The following ADCY6 variants were observed in gnomAD, a reference collection of about 807,000 sequenced individuals.
The protein encoded by ADCY6 is adenylate cyclase 6, also known as adenylate cyclase type 6.
Under a neutral mutation model 111.6 loss-of-function variants are expected in ADCY6, and 59 were observed. The ratio of observed to expected loss-of-function variants is 0.53; its 90% CI spans 0.43 to 0.66. The LOEUF (loss-of-function observed/expected upper bound fraction) is 0.66. Ranked by LOEUF, ADCY6 falls within the 30% of genes least tolerant of loss-of-function variation. The probability of loss-of-function intolerance (pLI) is 0.00; values close to 1 mark genes in which losing one functional copy is unlikely to be tolerated. For synonymous variants in ADCY6, 576 were observed against 642.9 expected, an observed-to-expected ratio of 0.90 and a Z score of 1.57; for missense variants, 1,242 against 1,595.6, an observed-to-expected ratio of 0.78 and a Z score of 3.78.
rs1941390758 is a variant in ADCY6, at chr12:48,766,837, A to T, written c.*1754T>A. 1 of 152,322 alleles carries T rather than the reference A, an allele frequency of 6.6e-6. No homozygotes were observed. The highest frequency in any genetic ancestry group is 2.1e-4 in the South Asian group (1 of 4,838). 9.4% of individuals were successfully genotyped at this position (152,322 alleles called of 1,614,324 possible). A position where few individuals can be genotyped will look rare whatever the true frequency, so the allele number is the denominator to read the frequency against. ...ACAAAGTGATCTTCAAGCAAAATTC[A>T]GGCTAGTGCCTTTGGCTTAAATAGG... On this transcript the variant is annotated 3_prime_UTR_variant, in exon 22 of 22. Transcript: ENST00000357869.
In ADCY6 at chr12:48,775,662, A is replaced by G. The variant is rs1478682130; in HGVS notation, c.1832+11T>C. The G allele has an allele frequency of 3.1e-6, 5 of 1,612,530 alleles. No individual in the cohort carries two copies. In the African/African-American group the frequency reaches 6.7e-5, roughly 22 times the overall value. Reference sequence around the variant, plus strand: ...GCAAGTGCCTTCTCCCTCCTCAGTAACCTGACTTACTTGTCTTTGCTGGAA... The same window carrying G: ...GCAAGTGCCTTCTCCCTCCTCAGTAGCCTGACTTACTTGTCTTTGCTGGAA... On this transcript the variant is annotated intron_variant, in intron 10 of 21. Transcript: ENST00000357869.
intron 1 of ADCY6, among the ~76,000 whole-genome samples, chr12:48,787,923 C>A (rs1055373047): frequency 9.2e-5 from 14 of 152,236 alleles, no homozygotes; most frequent in African/African-American, 3.1e-4. Flanking sequence ...TGGCTCTGCC[C>A]ACTGCCTTGC....
chr12:48,774,959 T>C lies in ADCY6; in HGVS notation c.2076A>G (p.Pro692=), dbSNP rs147118305. The change falls in exon 12 of 22, where the codon CCA becomes CCG. Residue 692 remains proline, a splice_region_variant and synonymous_variant. Coordinates refer to ENST00000357869, the MANE Select transcript of ADCY6 (RefSeq NM_015270.5). ...GAGAGGAAAGGCAGGGCTCTCACTG[T>C]GGGAAGATGAGAAGCTGGATGAAGC... is the stretch of plus-strand genomic sequence containing the variant. ...FICFIQLLIF[P]HSTLMLGIYA... is the part of the protein sequence containing the mutation. The C allele has an allele frequency of 5.7e-5, 88 of 1,553,828 alleles. No homozygotes were observed. Among genetic ancestry groups the C allele is most frequent in the Non-Finnish European group, 7.5e-5 (86 of 1,148,238 alleles).
At chr12:48,787,417 C>T (rs185811076) in intron 1 of ADCY6, among the ~76,000 whole-genome samples, 7 of 152,342 alleles carry the variant, frequency 4.6e-5, no homozygotes, top group South Asian at 2.1e-4. Flanking sequence ...CTGACCCCCC[C>T]CAAGGGGATA....
chr12:48,778,399 C>A, intron 2 of ADCY6, 142 bp from the exon 3 acceptor site: 1 of 948,806 alleles, frequency 1.1e-6, no homozygotes, highest in Non-Finnish European at 1.6e-6. Flanking sequence ...GCCACTGCCA[C>A]CCCTGCAATA....
rs1180613104 is a variant in ADCY6 at position 48,782,605 on chromosome 12, T to C, written c.830A>G (p.Gln277Arg). The change falls in exon 2 of 22, where the codon CAA (glutamine) becomes CGA (arginine). Residue 277 changes from glutamine to arginine, a missense_variant. Gln to Arg is a conservative substitution (Grantham distance 43). This residue lies in a region of ADCY6 where 260 missense variants were observed against 414.6 expected (regional missense o/e 0.63). Coordinates refer to ENST00000357869, the MANE Select transcript of ADCY6 (RefSeq NM_015270.5). This position sits in a 1 kb window ranked among gnomAD's most constrained non-coding sequence, Gnocchi z 4.3. ...LSTLHLILAW[Q>R]LNRGDAFLWK... is the part of the protein sequence containing the mutation. ...GAGGAAGGCATCACCACGGTTAAGT[T>C]GCCAGGCCAAGATCAAATGCAAGGT... 9.9e-6 allele frequency: 16 copies of C among 1,612,020 alleles called. No homozygotes were observed. The highest frequency in any genetic ancestry group is 1.4e-5 in the Non-Finnish European group (16 of 1,179,082).
intron 21 of ADCY6, 105 bp downstream of exon 21, chr12:48,768,832 C>T: frequency 6.4e-7 from 1 of 1,552,888 alleles, no homozygotes; most frequent in Non-Finnish European, 8.7e-7. Context: ...CCCCACCATA[C>T]ACAGAACACT....
intron 20 of ADCY6, among the ~76,000 whole-genome samples, chr12:48,769,991 GA>G (rs1941488808): frequency 1.3e-5 from 2 of 151,604 alleles, no homozygotes; most frequent in South Asian, 4.2e-4. Context: ...TTGATCTCTT[GA>G]CCTCGTGATC....
chr12:48,770,719 C>T, intron 20 of ADCY6, 47 bp downstream of exon 20: 1 of 1,584,750 alleles, frequency 6.3e-7, no homozygotes, highest in Non-Finnish European at 8.7e-7. Flanking sequence ...CCAGCTTCAC[C>T]TGGAAAAAGT....
chr12:48,772,029 T>C (rs752304189), intron 18 of ADCY6, 56 bp from the exon 19 acceptor site: 4 of 1,559,924 alleles, frequency 2.6e-6, no homozygotes, highest in Non-Finnish European at 3.5e-6. Flanking sequence ...GTAGGTGTGG[T>C]GGCCAAGGCT....
Position 48,776,199 on chromosome 12 carries a change from T to G in ADCY6, c.1677+10A>C. ...TGCTCCCCTGCCCCCAGCCCTGCCC[T>G]GGCCCTGACCCGTTTCTGGCTGGCG... On this transcript the variant is annotated intron_variant, in intron 8 of 21. Coordinates refer to ENST00000357869, the MANE Select transcript of ADCY6 (RefSeq NM_015270.5). This position sits in a 1 kb window ranked among gnomAD's most constrained non-coding sequence, Gnocchi z 6.1. 6.2e-7 allele frequency: 1 copy of G among 1,614,082 alleles called. No homozygotes were observed. Among genetic ancestry groups the G allele is most frequent in the Non-Finnish European group, 8.5e-7 (1 of 1,180,002 alleles).
intron 1 of ADCY6, 96 bp from the exon 2 acceptor site, chr12:48,783,534 C>T (rs1414999184): frequency 6.4e-7 from 1 of 1,571,862 alleles, no homozygotes; most frequent in South Asian, 1.2e-5. Context: ...TAGCTCATTA[C>T]CTAAGCACTT....
chr12:48,778,084 C>T (rs750709360), intron 3 of ADCY6, 24 bp downstream of exon 3: 42 of 1,593,446 alleles, frequency 2.6e-5, no homozygotes, highest in Non-Finnish European at 3.6e-5. Flanking sequence ...GGGGGCAGGC[C>T]CTGGTCACGG....
Position 48,770,713 on chromosome 12 carries a change from C to T in ADCY6, c.3256+53G>A, listed in dbSNP as rs188902831. The T allele has an allele frequency of 3.3e-3, 5,205 of 1,569,428 alleles. 16 individuals are homozygous for T. The highest frequency in any genetic ancestry group is 3.7e-3 in the Non-Finnish European group (4,244 of 1,142,504). ...TCCCATCCCCAGCCTATAATCCCAG[C>T]TTCACCTGGAAAAAGTCCTGGGAAA... is the stretch of plus-strand genomic sequence containing the variant. On this transcript the variant is annotated intron_variant, in intron 20 of 21. Coordinates refer to ENST00000357869, the MANE Select transcript of ADCY6 (RefSeq NM_015270.5).
chr12:48,785,711 T>A (rs1403367433), intron 1 of ADCY6, among the ~76,000 whole-genome samples: 1 of 152,216 alleles, frequency 6.6e-6, no homozygotes, highest in Non-Finnish European at 1.5e-5. Flanking sequence ...CTCTATGCTT[T>A]AAACTGTTCA....
At position 48,768,925 on chromosome 12, in the gene ADCY6, T is replaced by A; in HGVS notation, c.3381+12A>T. On this transcript the variant is annotated intron_variant, in intron 21 of 21. Coordinates refer to ENST00000357869, the MANE Select transcript of ADCY6 (RefSeq NM_015270.5). ...CCATGTTCCTCCCAGCCCCTGCTCA[T>A]ATCCCCCTCACCTGGATTCGGTCGG... 1 of 1,600,732 alleles carries A rather than the reference T, an allele frequency of 6.2e-7. No homozygotes were observed. The highest frequency in any genetic ancestry group is 8.5e-7 in the Non-Finnish European group (1 of 1,173,648).
chr12:48,783,016 T>C lies in ADCY6; in HGVS notation c.419A>G (p.Tyr140Cys). The change falls in exon 2 of 22, where the codon TAC (tyrosine) becomes TGC (cysteine). Residue 140 changes from tyrosine (Y) to cysteine (C), a missense_variant. Tyr to Cys is a radical substitution (Grantham distance 194, BLOSUM62 -2). Coordinates refer to ENST00000357869, the MANE Select transcript of ADCY6 (RefSeq NM_015270.5). ...GTTCATCTGGAAGAAGTACCGCTGGTACAGGCGCTCCAGCTTGGCCGAACG... is the reference window on the plus strand; with the variant it reads ...GTTCATCTGGAAGAAGTACCGCTGGCACAGGCGCTCCAGCTTGGCCGAACG... ...QFRSAKLERL[Y>C]QRYFFQMNQS... 1 of 1,613,690 alleles carries C rather than the reference T, an allele frequency of 6.2e-7. No individual in the cohort carries two copies. Among genetic ancestry groups the C allele is most frequent in the Non-Finnish European group, 8.5e-7 (1 of 1,179,898 alleles).
chr12:48,780,741 C>T (rs1260577331), intron 2 of ADCY6, among the ~76,000 whole-genome samples: 2 of 152,194 alleles, frequency 1.3e-5, no homozygotes, highest in Admixed American at 1.3e-4. Context: ...AAGCTCCTTC[C>T]CCAGGAGGGC....
Position 48,776,415 on chromosome 12 carries a change from C to G in ADCY6, c.1535+13G>C. 1.7e-6 allele frequency: 2 copies of G among 1,193,832 alleles called. No individual in the cohort carries two copies. Among genetic ancestry groups the G allele is most frequent in the Non-Finnish European group, 1.2e-6 (1 of 847,132 alleles). The allele number at this position is 1,193,832 out of a possible 1,614,324, so 74.0% of individuals were successfully genotyped here. A position where few individuals can be genotyped will look rare whatever the true frequency, so the allele number is the denominator to read the frequency against. Reference sequence around the variant, plus strand: ...CTTGCCCCCATCCCCCCCACCTGGACCCCCCTACTCACCCAGCCCGGCCTC... The same window carrying G: ...CTTGCCCCCATCCCCCCCACCTGGAGCCCCCTACTCACCCAGCCCGGCCTC... On this transcript the variant is annotated intron_variant, in intron 7 of 21. Transcript: ENST00000357869. This position sits in a 1 kb window ranked among gnomAD's most constrained non-coding sequence, Gnocchi z 6.1.
Sources: allele counts gnomAD v4.1 joint callset (sites outside exome capture counted in the v4.1 genomes callset), GRCh38; gene constraint gnomAD v4.1.1; regional missense constraint gnomAD v4.1.1; non-coding constraint Gnocchi (gnomAD v3.1); transcripts MANE v1.5; gene names NCBI Gene and HGNC (gene_info 2026-07-23, HGNC 2026-07-21).